The following SPAG16 variants were observed in gnomAD, a reference collection of about 807,000 sequenced individuals.
SPAG16 encodes sperm associated antigen 16.
In SPAG16, 86 loss-of-function variants were observed where a neutral mutation model predicts 80.4. The observed-to-expected ratio is 1.07, with a 90% CI of 0.90 to 1.28. SPAG16 has a LOEUF of 1.28. Ranked by LOEUF, SPAG16 falls within the 50% of genes most tolerant of loss-of-function variation. SPAG16 has a pLI of 0.00. For missense variants in SPAG16, 870 were observed against 765.3 expected, an observed-to-expected ratio of 1.14 and a Z score of -1.61; for synonymous variants, 294 against 265.9, an observed-to-expected ratio of 1.11 and a Z score of -1.03.
chr2:214,068,175 C>A (rs967182531), intron 13 of SPAG16, among the ~76,000 whole-genome samples: 3 of 151,966 alleles, frequency 2.0e-5, no homozygotes, highest in African/African-American at 7.3e-5. Flanking sequence ...AACAATGATG[C>A]AAATTCATAA....
intron 13 of SPAG16, among the ~76,000 whole-genome samples, chr2:214,086,961 T>C (rs760719962): frequency 9.2e-5 from 14 of 152,334 alleles, no homozygotes; most frequent in African/African-American, 3.1e-4. Context: ...AACTCATTGA[T>C]GTCAAGTAGT....
In SPAG16 at chr2:213,375,110, C is replaced by T. The variant is rs1244727681; in HGVS notation, c.933C>T (p.Gly311=). ...ACAAATGTAAAACAAAGATGAAAGG[C>T]AATACAAAGGTATGATATTTGTTTT... ...EQNKCKTKMK[G]NTKDSEFPID... Residue 311 remains glycine, a synonymous_variant, in exon 9 of 16, where the codon GGC becomes GGT. Coordinates refer to ENST00000331683, the MANE Select transcript of SPAG16 (RefSeq NM_024532.5). 3 of 1,602,892 alleles carry T rather than the reference C, an allele frequency of 1.9e-6. No individual in the cohort carries two copies. The South Asian group carries it at 3.4e-5, about 18-fold the overall frequency.
chr2:213,648,639 T>C (rs1291889493), intron 10 of SPAG16, among the ~76,000 whole-genome samples: 1 of 151,916 alleles, frequency 6.6e-6, no homozygotes, highest in African/African-American at 2.4e-5. Context: ...GGCATGCACA[T>C]CAATTGTCTC....
intron 9 of SPAG16, among the ~76,000 whole-genome samples, chr2:213,472,423 A>G (rs1374784319): frequency 3.3e-5 from 5 of 152,214 alleles, no homozygotes; most frequent in African/African-American, 7.2e-5. Context: ...TCTTCTGCAT[A>G]GGCCTTATGG....
chr2:214,083,679 A>T (rs1022455138), intron 13 of SPAG16, among the ~76,000 whole-genome samples: 4 of 152,154 alleles, frequency 2.6e-5, no homozygotes, highest in Non-Finnish European at 5.9e-5. Flanking sequence ...CTCTTTTTTT[A>T]AAAAATAAAT....
chr2:214,170,267 C>G (rs938634574), intron 15 of SPAG16, among the ~76,000 whole-genome samples: 1 of 102,304 alleles, frequency 9.8e-6, no homozygotes, highest in African/African-American at 2.6e-5. Context: ...TACACACACA[C>G]TTAGGTGTGC....
intron 15 of SPAG16, among the ~76,000 whole-genome samples, chr2:214,265,488 G>A (rs942552439): frequency 8.6e-5 from 13 of 151,882 alleles, no homozygotes; most frequent in African/African-American, 3.1e-4. Context: ...AAAGTTTGTT[G>A]TACATTTTGG....
At chr2:213,990,038 A>T (rs527957667) in intron 12 of SPAG16, among the ~76,000 whole-genome samples, 1 of 152,214 alleles carries the variant, frequency 6.6e-6, no homozygotes, top group East Asian at 1.9e-4. Flanking sequence ...TTCAGAAAGG[A>T]TCTGACATGG....
At chr2:213,888,657 G>C (rs72944998) in intron 11 of SPAG16, among the ~76,000 whole-genome samples, 6,823 of 151,794 alleles carry the variant, frequency 0.045, 220 homozygotes, top group Middle Eastern at 0.11. Context: ...GAAAACAGAT[G>C]TTTTTCTAAG....
chr2:213,316,342 A>G (rs1030816081), intron 4 of SPAG16, among the ~76,000 whole-genome samples: 4 of 152,050 alleles, frequency 2.6e-5, no homozygotes, highest in Non-Finnish European at 5.9e-5. Flanking sequence ...TCTAGAAGGT[A>G]CTTCTCATAA....
chr2:213,494,454 A>G (rs1031106000), intron 10 of SPAG16, among the ~76,000 whole-genome samples: 16 of 152,136 alleles, frequency 1.1e-4, no homozygotes, highest in African/African-American at 3.9e-4. Flanking sequence ...AGTCATTTTA[A>G]TTCCTCATTC....
intron 10 of SPAG16, among the ~76,000 whole-genome samples, chr2:213,832,079 C>T (rs2073695492): frequency 6.6e-6 from 1 of 151,982 alleles, no homozygotes; most frequent in African/African-American, 2.4e-5. Flanking sequence ...TCACTGCAAC[C>T]TCCTTCCCCC....
At chr2:214,320,843 A>T (rs1576773160) in intron 15 of SPAG16, among the ~76,000 whole-genome samples, 2 of 152,388 alleles carry the variant, frequency 1.3e-5, no homozygotes, top group Admixed American at 1.3e-4. Flanking sequence ...AAGCCTAACC[A>T]TATCACTTGT....
chr2:213,878,651 C>T (rs931844487), intron 11 of SPAG16, among the ~76,000 whole-genome samples: 3 of 151,984 alleles, frequency 2.0e-5, no homozygotes, highest in Admixed American at 1.3e-4. Context: ...AGAAGCTTTT[C>T]AGTTTAATTA....
At chr2:213,809,927 T>G (rs1222347891) in intron 10 of SPAG16, among the ~76,000 whole-genome samples, 1 of 152,212 alleles carries the variant, frequency 6.6e-6, no homozygotes, top group African/African-American at 2.4e-5. Context: ...GGATTCATGG[T>G]ATTCATAATT....
intron 10 of SPAG16, among the ~76,000 whole-genome samples, chr2:213,707,488 C>T (rs2065807827): frequency 6.6e-6 from 1 of 152,166 alleles, no homozygotes; most frequent in Non-Finnish European, 1.5e-5. Context: ...TTGTGAACCC[C>T]TAACATCTTG....
chr2:213,410,318 C>G (rs1157005248), intron 9 of SPAG16, among the ~76,000 whole-genome samples: 5 of 152,034 alleles, frequency 3.3e-5, no homozygotes, highest in Admixed American at 2.6e-4. Context: ...GTTGTTATAC[C>G]CTGAAGGAAC....
chr2:213,680,251 T>G (rs1006740922), intron 10 of SPAG16, among the ~76,000 whole-genome samples: 5 of 152,090 alleles, frequency 3.3e-5, no homozygotes, highest in Non-Finnish European at 7.4e-5. Context: ...CCTAGTCCCT[T>G]TGATAAGGAG....
chr2:213,637,406 T>C (rs2062406919), intron 10 of SPAG16, among the ~76,000 whole-genome samples: 1 of 152,212 alleles, frequency 6.6e-6, no homozygotes, highest in Non-Finnish European at 1.5e-5. Context: ...GTTTTCTTTC[T>C]TTGTTATGTC....
Sources: gnomAD v4.1 joint callset for allele counts (sites outside exome capture counted in the v4.1 genomes callset) on GRCh38, gnomAD v4.1.1 for gene constraint, MANE v1.5 for transcripts, NCBI Gene and HGNC (gene_info 2026-07-23, HGNC 2026-07-21) for gene names.